The following EIF3H variants were observed in gnomAD, a reference collection of about 807,000 sequenced individuals.
EIF3H encodes the protein eukaryotic translation initiation factor 3 subunit H.
A neutral mutation model predicts 44.2 loss-of-function variants in EIF3H; 26 were observed. That is an observed-to-expected ratio of 0.59 (90% CI 0.43 to 0.82). The LOEUF (loss-of-function observed/expected upper bound fraction) is 0.82, where lower values mean the gene tolerates loss of function less well. Ranked by LOEUF, EIF3H falls within the 40% of genes least tolerant of loss-of-function variation. EIF3H has a pLI of 0.00. For synonymous variants in EIF3H, 166 were observed against 151.9 expected, an observed-to-expected ratio of 1.09 and a Z score of -0.68; for missense variants, 359 against 432.8, an observed-to-expected ratio of 0.83 and a Z score of 1.51.
At chr8:116,713,752 A>G (rs1045318479) in intron 2 of EIF3H, among the ~76,000 whole-genome samples, 6 of 152,172 alleles carry the variant, frequency 3.9e-5, no homozygotes, top group African/African-American at 1.4e-4. Flanking sequence ...TAAGTGAGCA[A>G]TAATCTAAAG....
At chr8:116,734,734 A>G (rs1815005412) in intron 1 of EIF3H, among the ~76,000 whole-genome samples, 1 of 151,834 alleles carries the variant, frequency 6.6e-6, no homozygotes, top group South Asian at 2.1e-4. Context: ...TTTGTTCTGT[A>G]TTTCTAGTGG....
intron 2 of EIF3H, among the ~76,000 whole-genome samples, chr8:116,699,866 A>G (rs1814340882): frequency 6.6e-6 from 1 of 152,104 alleles, no homozygotes; most frequent in Admixed American, 6.5e-5. Flanking sequence ...GCTGAAGTGC[A>G]ATAGTGCGAT....
intron 2 of EIF3H, among the ~76,000 whole-genome samples, chr8:116,666,709 A>G (rs1047338811): frequency 7.8e-6 from 1 of 127,652 alleles, no homozygotes; most frequent in African/African-American, 2.9e-5. Flanking sequence ...TACAATTAAG[A>G]GCATGGTATG....
At chr8:116,750,408 T>C (rs1261970792) in intron 1 of EIF3H, among the ~76,000 whole-genome samples, 7 of 130,542 alleles carry the variant, frequency 5.4e-5, no homozygotes, top group African/African-American at 1.7e-4. Context: ...CATGACTTTT[T>C]TTTTTTTTTT....
intron 5 of EIF3H, among the ~76,000 whole-genome samples, chr8:116,652,534 C>A (rs762841795): frequency 2.0e-5 from 3 of 152,004 alleles, no homozygotes; most frequent in Non-Finnish European, 2.9e-5. Context: ...AGGAGATGCA[C>A]GCATTTTAGA....
intron 2 of EIF3H, among the ~76,000 whole-genome samples, chr8:116,700,914 G>A (rs756384235): frequency 7.2e-5 from 11 of 152,068 alleles, no homozygotes; most frequent in Non-Finnish European, 1.3e-4. Context: ...TAAATATAGG[G>A]TATACTCAAA....
intron 2 of EIF3H, among the ~76,000 whole-genome samples, chr8:116,711,192 C>T (rs1814567671): frequency 6.6e-6 from 1 of 152,106 alleles, no homozygotes; most frequent in African/African-American, 2.4e-5. Flanking sequence ...GTCTCACTGT[C>T]GGTCACATCA....
At chr8:116,666,428 G>A (rs1167130264) in intron 2 of EIF3H, among the ~76,000 whole-genome samples, 1 of 152,032 alleles carries the variant, frequency 6.6e-6, no homozygotes, top group Admixed American at 6.6e-5. Context: ...CTTACATCCT[G>A]TAACAAATTT....
chr8:116,649,975 C>T (rs558279041), intron 5 of EIF3H, among the ~76,000 whole-genome samples: 1 of 152,262 alleles, frequency 6.6e-6, no homozygotes, highest in East Asian at 1.9e-4. Flanking sequence ...TTTGATGACA[C>T]AAGAGGCCTG....
chr8:116,740,173 G>A (rs1400167840), intron 1 of EIF3H, among the ~76,000 whole-genome samples: 1 of 152,176 alleles, frequency 6.6e-6, no homozygotes, highest in Non-Finnish European at 1.5e-5. Flanking sequence ...CATTAAGCAC[G>A]TAAACAGTTA....
intron 2 of EIF3H, among the ~76,000 whole-genome samples, chr8:116,709,960 T>C (rs1212172105): frequency 6.6e-6 from 1 of 152,256 alleles, no homozygotes; most frequent in Non-Finnish European, 1.5e-5. Flanking sequence ...CTTCATTTTT[T>C]ACAAAGAGCT....
chr8:116,653,337 AAAC>A (rs963470127), intron 5 of EIF3H, among the ~76,000 whole-genome samples: 11 of 148,942 alleles, frequency 7.4e-5, no homozygotes, highest in Non-Finnish European at 1.6e-4. Flanking sequence ...TTCAGAAAAA[AAAC>A]AATCAGAAAC....
chr8:116,761,726 T>C (rs1033929769), intron 1 of EIF3H, among the ~76,000 whole-genome samples: 19 of 152,324 alleles, frequency 1.2e-4, no homozygotes, highest in African/African-American at 4.6e-4. Flanking sequence ...AGTTTAGAAA[T>C]ATCCTCGAGA....
At chr8:116,707,793 T>C (rs1215956628) in intron 2 of EIF3H, among the ~76,000 whole-genome samples, 49 of 152,160 alleles carry the variant, frequency 3.2e-4, no homozygotes, top group Non-Finnish European at 2.9e-5. Context: ...CTACTTCAAA[T>C]CTAAGCTTCA....
Position 116,705,494 on chromosome 8 carries a change from C to A in EIF3H, c.289+20522G>T, listed in dbSNP as rs371243397. 5.5e-5 allele frequency among the ~76,000 whole-genome samples: 7 copies of A among 126,148 alleles called. No individual in the cohort carries two copies. In the South Asian group the frequency reaches 7.5e-4, roughly 14 times the overall value. 82.8% of individuals were successfully genotyped at this position (126,148 alleles called of 152,430 possible). On this transcript the variant is annotated intron_variant, in intron 2 of 7. Coordinates refer to ENST00000521861, the MANE Select transcript of EIF3H (RefSeq NM_003756.3). ...TGCCATGTGGGTAACATGTTACACC[C>A]CCCCCCACCACCAACACCCCAGGAG...
intron 2 of EIF3H, among the ~76,000 whole-genome samples, chr8:116,723,796 A>G (rs1357435494): frequency 6.6e-6 from 1 of 152,222 alleles, no homozygotes; most frequent in Non-Finnish European, 1.5e-5. Context: ...AAACACTCGT[A>G]AACTGAAACT....
At chr8:116,734,685 A>G (rs890418609) in intron 1 of EIF3H, among the ~76,000 whole-genome samples, 1 of 152,078 alleles carries the variant, frequency 6.6e-6, no homozygotes, top group African/African-American at 2.4e-5. Context: ...CCTCCCTAGT[A>G]GCTGGAATTA....
At chr8:116,666,848 T>A (rs1485391057) in intron 2 of EIF3H, among the ~76,000 whole-genome samples, 2 of 150,824 alleles carry the variant, frequency 1.3e-5, no homozygotes, top group African/African-American at 4.9e-5. Flanking sequence ...ATTAGATTAA[T>A]GTTAGCAGAG....
rs1446686695 is a variant in EIF3H, at chr8:116,644,403, GATA to G, written c.*600_*602del. ...AGACTCTGTCTTTAAAAATAATGAT[GATA>G]ATAATAATCTTGTGTCCCATGGCCT... On this transcript the variant is annotated 3_prime_UTR_variant, in exon 8 of 8. Coordinates refer to ENST00000521861, the MANE Select transcript of EIF3H (RefSeq NM_003756.3). The G allele has an allele frequency of 6.6e-6, 1 of 152,054 alleles. No homozygotes were observed. 9.4% of individuals were successfully genotyped at this position (152,054 alleles called of 1,614,324 possible).
Sources: allele counts gnomAD v4.1 joint callset (sites outside exome capture counted in the v4.1 genomes callset), GRCh38; gene constraint gnomAD v4.1.1; transcripts MANE v1.5; gene names NCBI Gene and HGNC (gene_info 2026-07-23, HGNC 2026-07-21).